Variants in CEP85L observed in about 807,000 individuals in gnomAD.
CEP85L encodes the protein centrosomal protein 85L.
Under a neutral mutation model 100.3 loss-of-function variants are expected in CEP85L, and 60 were observed. The observed-to-expected ratio is 0.60, with a 90% CI of 0.49 to 0.74. The LOEUF is 0.74. CEP85L is among the 30% of genes least tolerant of loss of function. The pLI, the probability that CEP85L is intolerant of heterozygous loss-of-function variation, is 0.00. For synonymous variants in CEP85L, 319 were observed against 322.7 expected, an observed-to-expected ratio of 0.99 and a Z score of 0.12; for missense variants, 973 against 936.2, an observed-to-expected ratio of 1.04 and a Z score of -0.51.
chr6:118,615,597 TAAGAAA>T (rs1772982123), intron 2 of CEP85L, among the ~76,000 whole-genome samples: 3 of 152,304 alleles, frequency 2.0e-5, no homozygotes, highest in African/African-American at 7.2e-5. Flanking sequence ...TCCAGCCTAG[TAAGAAA>T]GTCTTTCTTT....
At chr6:118,639,183 A>C (rs1365300243) in intron 1 of CEP85L, among the ~76,000 whole-genome samples, 1 of 152,222 alleles carries the variant, frequency 6.6e-6, no homozygotes, top group Non-Finnish European at 1.5e-5. Context: ...ATATTACATA[A>C]GTAGCACGCG....
intron 4 of CEP85L, among the ~76,000 whole-genome samples, chr6:118,516,665 C>A (rs1776299050): frequency 6.6e-6 from 1 of 152,010 alleles, no homozygotes; most frequent in South Asian, 2.1e-4. Flanking sequence ...CAGATGGATA[C>A]ATTGCAAAAA....
chr6:118,502,662 C>T (rs1775383894), intron 5 of CEP85L: 1 of 467,010 alleles, frequency 2.1e-6, no homozygotes, highest in Non-Finnish European at 4.0e-6. Context: ...TCAGGGAGCT[C>T]CAGCTCAATG....
intron 1 of CEP85L, among the ~76,000 whole-genome samples, chr6:118,660,885 C>CTT (rs57604070): frequency 4.4e-4 from 66 of 149,612 alleles, no homozygotes; most frequent in African/African-American, 6.6e-4. Context: ...TTCTTTTTTT[C>CTT]TTTTTTTTTT....
intron 2 of CEP85L, among the ~76,000 whole-genome samples, chr6:118,611,332 A>C (rs1772599307): frequency 6.6e-6 from 1 of 152,222 alleles, no homozygotes; most frequent in South Asian, 2.1e-4. Context: ...TAATATACCA[A>C]GAGCAATGTA....
At chr6:118,508,945 T>C (rs888229291) in intron 5 of CEP85L, among the ~76,000 whole-genome samples, 6 of 152,138 alleles carry the variant, frequency 3.9e-5, no homozygotes, top group African/African-American at 1.4e-4. Flanking sequence ...CTCACCATTT[T>C]ATTGGCTCTC....
chr6:118,594,676 G>A (rs1781367886), intron 2 of CEP85L, among the ~76,000 whole-genome samples: 2 of 151,860 alleles, frequency 1.3e-5, no homozygotes, highest in South Asian at 2.1e-4. Context: ...AGACCATGGT[G>A]AAACCCCATC....
chr6:118,632,398 G>C, intron 2 of CEP85L, 55 bp downstream of exon 2: 1 of 1,370,418 alleles, frequency 7.3e-7, no homozygotes. Context: ...GAAAATTCTT[G>C]TACCACAACC....
chr6:118,646,839 G>A (rs895740899), intron 1 of CEP85L: 1 of 667,026 alleles, frequency 1.5e-6, no homozygotes, highest in East Asian at 1.4e-4. Flanking sequence ...GAAAAATCAT[G>A]ACTCTCTCAA....
At chr6:118,631,544 AAT>A (rs1774154607) in intron 2 of CEP85L, among the ~76,000 whole-genome samples, 1 of 152,218 alleles carries the variant, frequency 6.6e-6, no homozygotes, top group Non-Finnish European at 1.5e-5. Context: ...CTTTACTCAT[AAT>A]AGTCAAAAAC....
At chr6:118,485,388 C>A (rs1453817001) in intron 6 of CEP85L, among the ~76,000 whole-genome samples, 1 of 128,482 alleles carries the variant, frequency 7.8e-6, no homozygotes, top group Non-Finnish European at 1.8e-5. Flanking sequence ...TTTTTCAGGT[C>A]TAATGTATAA....
chr6:118,564,552 G>C (rs62422183), intron 3 of CEP85L, among the ~76,000 whole-genome samples: 7,399 of 152,182 alleles, frequency 0.049, 274 homozygotes, highest in Non-Finnish European at 0.075. Flanking sequence ...GACATGTTAA[G>C]GGTTCTCCTA....
rs1204863927 is a variant in CEP85L, at chr6:118,462,993, C to T, written c.*2412G>A. The T allele has an allele frequency of 1.3e-5, 2 of 151,816 alleles. No homozygotes were observed. Among genetic ancestry groups the T allele is most frequent in the Non-Finnish European group, 1.5e-5 (1 of 67,888 alleles). The allele number at this position is 151,816 out of a possible 1,614,324, so 9.4% of individuals were successfully genotyped here. A position where few individuals can be genotyped will look rare whatever the true frequency, so the allele number is the denominator to read the frequency against. ...TCTATAATTCAGCTAACTACTTAAA[C>T]TAGCACATCTTAACTCCCTTTTTTA... On this transcript the variant is annotated 3_prime_UTR_variant, in exon 13 of 13. Transcript: ENST00000368491.
intron 3 of CEP85L, among the ~76,000 whole-genome samples, chr6:118,530,073 G>T (rs1343968325): frequency 6.6e-6 from 1 of 151,888 alleles, no homozygotes; most frequent in Non-Finnish European, 1.5e-5. Context: ...ACTTTATAAG[G>T]TAAAAGATAA....
chr6:118,656,150 C>T (rs1775780967), upstream of CEP85L, among the ~76,000 whole-genome samples: 2 of 152,034 alleles, frequency 1.3e-5, no homozygotes, highest in South Asian at 2.1e-4. Flanking sequence ...TTAGCTGTAG[C>T]CAGCAGTTTG....
At chr6:118,499,546 C>A (rs573821488) in intron 5 of CEP85L, among the ~76,000 whole-genome samples, 4 of 152,056 alleles carry the variant, frequency 2.6e-5, no homozygotes, top group Non-Finnish European at 5.9e-5. Flanking sequence ...CACCTGTAGT[C>A]CTAGCTACTC....
chr6:118,470,167 C>G (rs566133486), intron 11 of CEP85L, among the ~76,000 whole-genome samples: 2 of 152,006 alleles, frequency 1.3e-5, no homozygotes, highest in Admixed American at 1.3e-4. Flanking sequence ...TTGCTGATCC[C>G]CAAAACTGCT....
chr6:118,500,358 G>A (rs529757097), intron 5 of CEP85L, among the ~76,000 whole-genome samples: 1 of 121,592 alleles, frequency 8.2e-6, no homozygotes, highest in Non-Finnish European at 1.8e-5. Flanking sequence ...CGCAGGACGT[G>A]GGCAAACTCA....
chr6:118,671,436 T>C (rs1425500198), intron 1 of CEP85L, among the ~76,000 whole-genome samples: 1 of 152,302 alleles, frequency 6.6e-6, no homozygotes, highest in East Asian at 1.9e-4. Context: ...GAACTGAGAA[T>C]ACATAAAGCA....
Sources: gnomAD v4.1 joint callset for allele counts (sites outside exome capture counted in the v4.1 genomes callset) on GRCh38, gnomAD v4.1.1 for gene constraint, MANE v1.5 for transcripts, NCBI Gene and HGNC (gene_info 2026-07-23, HGNC 2026-07-21) for gene names.